Variants in ZRANB3 observed in about 807,000 individuals in gnomAD.
ZRANB3 encodes the protein zinc finger RANBP2-type containing 3.
Under a neutral mutation model 133.8 loss-of-function variants are expected in ZRANB3, and 125 were observed. The observed-to-expected ratio is 0.93, with a 90% CI of 0.81 to 1.08. The LOEUF (loss-of-function observed/expected upper bound fraction) is 1.08, where lower values mean the gene tolerates loss of function less well. Among genes scored for constraint, ZRANB3 ranks in the 50% least tolerant of loss-of-function variants. ZRANB3 has a pLI of 0.00. For synonymous variants in ZRANB3, 387 were observed against 432.7 expected, an observed-to-expected ratio of 0.89 and a Z score of 1.31; for missense variants, 1,229 against 1,275.5, an observed-to-expected ratio of 0.96 and a Z score of 0.56.
intron 2 of ZRANB3, among the ~76,000 whole-genome samples, chr2:135,471,637 T>C (rs1574154803): frequency 6.6e-6 from 1 of 152,240 alleles, no homozygotes; most frequent in African/African-American, 2.4e-5. Context: ...TTTGCAACTA[T>C]ATATTTACTG....
At position 135,313,604 on chromosome 2, in the gene ZRANB3, T is replaced by A. The variant is rs748773547; in HGVS notation, c.851A>T (p.Glu284Val). The A allele has an allele frequency of 2.5e-6, 4 of 1,601,290 alleles. No homozygotes were observed. The highest frequency in any genetic ancestry group is 3.3e-4 in the Middle Eastern group (2 of 6,068). ...PFDLPSAAAK[E>V]LNTSFEEWEK... ...CCACTCTTCAAAGCTGGTATTCAAT[T>A]CCTATGTGGGAAAAAATAACACTGT... is the stretch of plus-strand genomic sequence containing the variant. The change falls in exon 8 of 21, where the codon GAA becomes GTA. Residue 284 changes from glutamate to valine, a missense_variant and splice_region_variant. By Grantham distance (121) the Glu-to-Val change is moderately radical. Transcript: ENST00000264159.
rs188888655 is a variant in ZRANB3, at chr2:135,486,144, A to T, written c.161+18185T>A. ...CTTGAAAATAAGGCAACAATGACTTATGCCACATCAATTGACTCTTTCTTT... is the reference window on the plus strand; with the variant it reads ...CTTGAAAATAAGGCAACAATGACTTTTGCCACATCAATTGACTCTTTCTTT... On this transcript the variant is annotated intron_variant, in intron 2 of 20. Transcript: ENST00000264159. Among the ~76,000 whole-genome samples the T allele has an allele frequency of 1.6e-3, 241 of 152,320 alleles. 5 individuals are homozygous for T. Among genetic ancestry groups the T allele is most frequent in the Admixed American group, 0.011 (171 of 15,292 alleles).
At chr2:135,306,524 C>T (rs1182262951) in intron 8 of ZRANB3, among the ~76,000 whole-genome samples, 2 of 151,268 alleles carry the variant, frequency 1.3e-5, no homozygotes. Context: ...GATCTTCTGA[C>T]CTCGTGATCC....
chr2:135,401,438 G>C (rs576985903), intron 2 of ZRANB3, among the ~76,000 whole-genome samples: 2 of 152,216 alleles, frequency 1.3e-5, no homozygotes, highest in African/African-American at 4.8e-5. Flanking sequence ...GCTTGCTGTT[G>C]CTTTTCCAAA....
chr2:135,328,017 C>A (rs911645501), intron 6 of ZRANB3, among the ~76,000 whole-genome samples: 1 of 151,666 alleles, frequency 6.6e-6, no homozygotes. Flanking sequence ...GGGAAAGTTA[C>A]GAAAGCACTT....
chr2:135,264,582 G>C (rs949700917), intron 12 of ZRANB3, among the ~76,000 whole-genome samples: 4 of 152,008 alleles, frequency 2.6e-5, no homozygotes, highest in African/African-American at 9.7e-5. Flanking sequence ...TTGGGAACGG[G>C]GGGTCACATG....
chr2:135,225,652 T>C (rs1694730475), intron 14 of ZRANB3, among the ~76,000 whole-genome samples: 1 of 152,206 alleles, frequency 6.6e-6, no homozygotes. Flanking sequence ...GTTGCTACTA[T>C]ATGTATTTAC....
intron 8 of ZRANB3, among the ~76,000 whole-genome samples, chr2:135,278,702 A>G (rs1404115890): frequency 6.6e-6 from 1 of 152,176 alleles, no homozygotes; most frequent in East Asian, 1.9e-4. Context: ...GAAAACTAAT[A>G]AAAGAAGAAA....
chr2:135,340,596 A>G (rs1174437383), intron 6 of ZRANB3, among the ~76,000 whole-genome samples: 1 of 152,146 alleles, frequency 6.6e-6, no homozygotes, highest in Non-Finnish European at 1.5e-5. Flanking sequence ...CTGTAATCCC[A>G]GCAACTTGGG....
intron 2 of ZRANB3, among the ~76,000 whole-genome samples, chr2:135,489,315 G>C (rs1288104176): frequency 5.5e-5 from 6 of 108,966 alleles, no homozygotes; most frequent in African/African-American, 2.1e-4. Flanking sequence ...TTGTGGGGTG[G>C]GGGGAGGGGG....
chr2:135,382,218 C>A (rs957848987), intron 3 of ZRANB3, among the ~76,000 whole-genome samples: 1 of 151,968 alleles, frequency 6.6e-6, no homozygotes, highest in African/African-American at 2.4e-5. Context: ...TTAGCCGATT[C>A]GATCAACTGG....
chr2:135,318,126 C>T (rs1478577819), intron 6 of ZRANB3, among the ~76,000 whole-genome samples: 2 of 151,698 alleles, frequency 1.3e-5, no homozygotes, highest in African/African-American at 4.8e-5. Flanking sequence ...TCTTGCTTTA[C>T]TAAAAGCCAA....
intron 2 of ZRANB3, among the ~76,000 whole-genome samples, chr2:135,412,240 C>A (rs564286745): frequency 6.6e-6 from 1 of 152,162 alleles, no homozygotes; most frequent in East Asian, 1.9e-4. Context: ...TAAATATGGG[C>A]TAGACATGGG....
At chr2:135,325,975 A>T (rs1683794789) in intron 6 of ZRANB3, among the ~76,000 whole-genome samples, 1 of 152,230 alleles carries the variant, frequency 6.6e-6, no homozygotes, top group Non-Finnish European at 1.5e-5. Context: ...TTACAAAAAC[A>T]ATTTAGATTC....
At chr2:135,412,057 G>T (rs1270056839) in intron 2 of ZRANB3, among the ~76,000 whole-genome samples, 1 of 152,036 alleles carries the variant, frequency 6.6e-6, no homozygotes, top group East Asian at 1.9e-4. Context: ...GATGCTCAAA[G>T]GTATGTTTTG....
chr2:135,353,248 C>T, intron 4 of ZRANB3: 1 of 307,038 alleles, frequency 3.3e-6, no homozygotes, highest in Non-Finnish European at 5.9e-6. Flanking sequence ...AAAAATATAC[C>T]ATAAAGGAAC....
chr2:135,200,103 A>G lies in ZRANB3; in HGVS notation c.*239T>C. 1.7e-6 allele frequency: 1 copy of G among 581,242 alleles called. No homozygotes were observed. Among genetic ancestry groups the G allele is most frequent in the Non-Finnish European group, 3.1e-6 (1 of 322,982 alleles). The allele number at this position is 581,242 out of a possible 1,614,324, so 36.0% of individuals were successfully genotyped here. A position where few individuals can be genotyped will look rare whatever the true frequency, so the allele number is the denominator to read the frequency against. On this transcript the variant is annotated 3_prime_UTR_variant, in exon 21 of 21. Transcript: ENST00000264159. ...GCTTTACAAAACATTGCTGAAACAT[A>G]ATTGCGAGTCTGAATCAAATCAAAA... is the stretch of plus-strand genomic sequence containing the variant.
intron 2 of ZRANB3, among the ~76,000 whole-genome samples, chr2:135,500,756 TAAAAAAAA>T (rs760594100): frequency 1.4e-5 from 1 of 73,674 alleles, no homozygotes; most frequent in African/African-American, 5.0e-5. Context: ...TACATATCAG[TAAAAAAAA>T]AAAAAAAAAA....
intron 8 of ZRANB3, among the ~76,000 whole-genome samples, chr2:135,291,087 C>T (rs1324328610): frequency 1.3e-5 from 2 of 152,094 alleles, no homozygotes; most frequent in East Asian, 1.9e-4. Context: ...CTCTTGAACT[C>T]GTGACCTCAG....
Sources: allele counts gnomAD v4.1 joint callset (sites outside exome capture counted in the v4.1 genomes callset), GRCh38; gene constraint gnomAD v4.1.1; transcripts MANE v1.5; gene names NCBI Gene and HGNC (gene_info 2026-07-23, HGNC 2026-07-21).